Variants in SHANK2 observed in about 807,000 individuals in gnomAD.
The protein encoded by SHANK2 is SH3 and multiple ankyrin repeat domains protein 2.
SHANK2 carries 43 observed loss-of-function variants against 133.7 expected under a neutral mutation model. The observed-to-expected ratio is 0.32, with a 90% confidence interval of 0.25 to 0.41. The LOEUF (loss-of-function observed/expected upper bound fraction) is 0.41, where lower values mean the gene tolerates loss of function less well. SHANK2 is among the 10% of genes least tolerant of loss of function. The pLI, the probability that SHANK2 is intolerant of heterozygous loss-of-function variation, is 1.00. For missense variants in SHANK2, 1,994 were observed against 2,235.8 expected (o/e 0.89, Z 2.18); for synonymous variants, 1,017 against 952.8 (o/e 1.07, Z -1.24).
In SHANK2 at chr11:70,796,196, C is replaced by T. The variant is rs542800753; in HGVS notation, c.1777+2247G>A. ...GCCATACGTTCTCATCTAGGGCACACAGGGTGATGCTGGCAGGTGGACGGG... is the reference window on the plus strand; with the variant it reads ...GCCATACGTTCTCATCTAGGGCACATAGGGTGATGCTGGCAGGTGGACGGG... On this transcript the variant is annotated intron_variant, in intron 14 of 25. Transcript: ENST00000601538. 2.2e-3 allele frequency among the ~76,000 whole-genome samples: 338 copies of T among 152,304 alleles called. 2 individuals are homozygous for T. Among genetic ancestry groups the T allele is most frequent in the Non-Finnish European group, 3.5e-3 (237 of 68,032 alleles).
chr11:70,944,294 C>T (rs1950689119), intron 10 of SHANK2, among the ~76,000 whole-genome samples: 1 of 152,190 alleles, frequency 6.6e-6, no homozygotes, highest in African/African-American at 2.4e-5. Flanking sequence ...CCCTCCTGTG[C>T]CCACCTAGGC....
At chr11:70,721,327 G>A (rs971564414) in intron 14 of SHANK2, among the ~76,000 whole-genome samples, 6 of 152,222 alleles carry the variant, frequency 3.9e-5, no homozygotes, top group Non-Finnish European at 5.9e-5. Flanking sequence ...ACATGGGCAT[G>A]CCTGAAGGTC....
intron 10 of SHANK2, among the ~76,000 whole-genome samples, chr11:70,930,377 C>T (rs1038078351): frequency 1.2e-4 from 19 of 152,294 alleles, no homozygotes; most frequent in African/African-American, 3.4e-4. Flanking sequence ...AACCTTTAGA[C>T]GCAGTTACCA....
At chr11:70,695,514 C>T (rs1260303283) in intron 15 of SHANK2, among the ~76,000 whole-genome samples, 4 of 152,168 alleles carry the variant, frequency 2.6e-5, no homozygotes, top group African/African-American at 7.2e-5. Flanking sequence ...TGACTGTTAC[C>T]ACAAGAAACA....
intron 14 of SHANK2, among the ~76,000 whole-genome samples, chr11:70,702,157 T>C (rs1418085432): frequency 5.0e-5 from 7 of 140,628 alleles, no homozygotes; most frequent in Non-Finnish European, 9.2e-5. Flanking sequence ...TTCACCATCA[T>C]CACCAACATC....
intron 10 of SHANK2, among the ~76,000 whole-genome samples, chr11:70,912,813 C>T (rs1950215690): frequency 6.6e-6 from 1 of 152,146 alleles, no homozygotes; most frequent in African/African-American, 2.4e-5. Context: ...TGAACTAATA[C>T]AGGTGTTTAC....
intron 1 of SHANK2, among the ~76,000 whole-genome samples, chr11:71,236,707 G>A (rs182660690): frequency 5.8e-4 from 89 of 152,332 alleles, no homozygotes; most frequent in Non-Finnish European, 1.0e-4. Context: ...ATACAGCTGT[G>A]TCCATTCCCT....
chr11:70,759,704 C>T (rs1555039759), intron 14 of SHANK2, among the ~76,000 whole-genome samples: 1 of 152,064 alleles, frequency 6.6e-6, no homozygotes, highest in Non-Finnish European at 1.5e-5. Flanking sequence ...AGTCATGCAC[C>T]CCACACTTAA....
At chr11:70,798,179 A>T (rs782235151) in intron 14 of SHANK2, among the ~76,000 whole-genome samples, 3 of 152,230 alleles carry the variant, frequency 2.0e-5, no homozygotes, top group Non-Finnish European at 4.4e-5. Flanking sequence ...TGGCTAGAAC[A>T]TACGGTCCAG....
At chr11:70,937,487 G>A (rs1676602124) in intron 10 of SHANK2, among the ~76,000 whole-genome samples, 1 of 152,232 alleles carries the variant, frequency 6.6e-6, no homozygotes, top group Admixed American at 6.5e-5. Flanking sequence ...GGGTCTCCCA[G>A]ATCCTACAAC....
At chr11:70,585,700 T>G (rs1696533569) in intron 17 of SHANK2, among the ~76,000 whole-genome samples, 1 of 151,718 alleles carries the variant, frequency 6.6e-6, no homozygotes, top group Non-Finnish European at 1.5e-5. Flanking sequence ...TCTATCCATT[T>G]GCCTACCCAT....
intron 17 of SHANK2, among the ~76,000 whole-genome samples, chr11:70,540,021 C>T (rs977182233): frequency 3.9e-5 from 6 of 152,164 alleles, no homozygotes; most frequent in East Asian, 1.9e-4. Context: ...TGCCTGTCTG[C>T]GCCCAAACCT....
At chr11:70,636,177 G>A (rs1469047824) in intron 17 of SHANK2, among the ~76,000 whole-genome samples, 1 of 150,720 alleles carries the variant, frequency 6.6e-6, no homozygotes, top group Non-Finnish European at 1.5e-5. Flanking sequence ...GTGTGTGTGA[G>A]AGTATATGCG....
chr11:70,561,033 C>T (rs782468139), intron 17 of SHANK2, among the ~76,000 whole-genome samples: 9 of 152,178 alleles, frequency 5.9e-5, no homozygotes, highest in Non-Finnish European at 1.2e-4. Context: ...ACACGAAGAA[C>T]GGGTTTTTGA....
At chr11:70,575,603 GCTTTT>G (rs2060106708) in intron 17 of SHANK2, among the ~76,000 whole-genome samples, 1 of 151,612 alleles carries the variant, frequency 6.6e-6, no homozygotes, top group Non-Finnish European at 1.5e-5. Flanking sequence ...GAGACACCAG[GCTTTT>G]CTTTATCATT....
At chr11:71,168,114 G>C in intron 2 of SHANK2, among the ~76,000 whole-genome samples, 1 of 140,632 alleles carries the variant, frequency 7.1e-6, no homozygotes, top group Admixed American at 6.8e-5. Context: ...CAGACGGGGC[G>C]GTTGCCAGGC....
At chr11:71,145,237 T>C (rs1273582526) in intron 3 of SHANK2, among the ~76,000 whole-genome samples, 2 of 152,082 alleles carry the variant, frequency 1.3e-5, no homozygotes, top group Non-Finnish European at 2.9e-5. Flanking sequence ...TGGGCCACAC[T>C]GGAAGAAGAA....
intron 15 of SHANK2, among the ~76,000 whole-genome samples, chr11:70,679,126 G>A (rs1048185910): frequency 1.3e-5 from 2 of 152,218 alleles, no homozygotes; most frequent in African/African-American, 4.8e-5. Context: ...ACGGCTGACC[G>A]CAACGCTGGG....
At chr11:70,550,214 C>T (rs2059747503) in intron 17 of SHANK2, among the ~76,000 whole-genome samples, 1 of 152,170 alleles carries the variant, frequency 6.6e-6, no homozygotes, top group Non-Finnish European at 1.5e-5. Context: ...TGCAGACCCA[C>T]TCCCGGTAGC....
Sources: allele counts gnomAD v4.1 joint callset (sites outside exome capture counted in the v4.1 genomes callset), GRCh38; gene constraint gnomAD v4.1.1; transcripts MANE v1.5; gene names NCBI Gene and HGNC (gene_info 2026-07-23, HGNC 2026-07-21).